The following MNAT1 variants were observed in gnomAD, a reference collection of about 807,000 sequenced individuals.
MNAT1 encodes the protein CDK-activating kinase assembly factor MAT1.
MNAT1 carries 43 observed loss-of-function variants against 42.0 expected under a neutral mutation model. That is an observed-to-expected ratio of 1.02 (90% CI 0.80 to 1.32). The LOEUF (loss-of-function observed/expected upper bound fraction) is 1.32, where lower values mean the gene tolerates loss of function less well. Among genes scored for constraint, MNAT1 ranks in the 40% most tolerant of loss-of-function variants. The probability of loss-of-function intolerance (pLI) is 0.00; values close to 1 mark genes in which losing one functional copy is unlikely to be tolerated. For missense variants in MNAT1, 306 were observed against 350.4 expected (o/e 0.87, Z 1.01); for synonymous variants, 118 against 120.0 (o/e 0.98, Z 0.11).
chr14:60,903,865 GTTTTTTTTTT>G (rs35825181), intron 7 of MNAT1, among the ~76,000 whole-genome samples: 4 of 115,742 alleles, frequency 3.5e-5, no homozygotes, highest in East Asian at 2.6e-4. Context: ...ACCCATGTAA[GTTTTTTTTTT>G]TTTTTTTTTT....
At chr14:60,890,387 G>A (rs1031381119) in intron 7 of MNAT1, among the ~76,000 whole-genome samples, 1 of 152,106 alleles carries the variant, frequency 6.6e-6, no homozygotes, top group Non-Finnish European at 1.5e-5. Context: ...TGTAGTCTCT[G>A]TCTGGCTTTT....
At chr14:60,961,314 A>G (rs1015211588) in intron 7 of MNAT1, among the ~76,000 whole-genome samples, 1 of 152,184 alleles carries the variant, frequency 6.6e-6, no homozygotes, top group African/African-American at 2.4e-5. Context: ...CTTGAATAAA[A>G]TCCACAGTTT....
chr14:60,875,114 T>C (rs192140062), intron 6 of MNAT1, among the ~76,000 whole-genome samples: 2 of 152,270 alleles, frequency 1.3e-5, no homozygotes, highest in Non-Finnish European at 2.9e-5. Context: ...TCTCTCTAAA[T>C]GTTATAGTTT....
chr14:60,915,999 A>G (rs955552224), intron 7 of MNAT1, among the ~76,000 whole-genome samples: 4 of 152,202 alleles, frequency 2.6e-5, no homozygotes, highest in African/African-American at 9.6e-5. Context: ...CCTACAACTG[A>G]GTCAACAGCA....
At chr14:60,791,918 A>C (rs1295081429) in intron 1 of MNAT1, among the ~76,000 whole-genome samples, 1 of 152,146 alleles carries the variant, frequency 6.6e-6, no homozygotes, top group Admixed American at 6.5e-5. Context: ...GATATCATCA[A>C]CTCATGGTGA....
intron 1 of MNAT1, among the ~76,000 whole-genome samples, chr14:60,755,060 C>T (rs115351710): frequency 1.9e-3 from 288 of 152,130 alleles, no homozygotes; most frequent in African/African-American, 6.7e-3. Context: ...AGTGCAGTGG[C>T]ATGATCACGG....
At chr14:60,785,075 A>G (rs1286845761) in intron 1 of MNAT1, among the ~76,000 whole-genome samples, 1 of 150,590 alleles carries the variant, frequency 6.6e-6, no homozygotes, top group African/African-American at 2.4e-5. Flanking sequence ...CTGGTCTCAA[A>G]CCCCTGACCT....
At chr14:60,873,148 A>AT in intron 6 of MNAT1, among the ~76,000 whole-genome samples, 1 of 152,172 alleles carries the variant, frequency 6.6e-6, no homozygotes, top group Non-Finnish European at 1.5e-5. Flanking sequence ...AGTGACTCTC[A>AT]CTATGTTTAT....
intron 5 of MNAT1, 98 bp from the exon 6 acceptor site, chr14:60,818,624 T>A: frequency 2.8e-6 from 3 of 1,077,090 alleles, no homozygotes; most frequent in Non-Finnish European, 3.8e-6. Flanking sequence ...TAGTTTGACA[T>A]GAAATGCTTA....
intron 7 of MNAT1, among the ~76,000 whole-genome samples, chr14:60,924,589 C>G (rs1473668859): frequency 1.3e-5 from 2 of 151,510 alleles, no homozygotes; most frequent in African/African-American, 4.8e-5. Flanking sequence ...TATGTGAAAT[C>G]TTTCTTCTGT....
chr14:60,910,568 C>T (rs533710274), intron 7 of MNAT1, among the ~76,000 whole-genome samples: 138 of 152,284 alleles, frequency 9.1e-4, no homozygotes, highest in Non-Finnish European at 1.5e-3. Flanking sequence ...GCCTTTTCTG[C>T]ATCTATTGAG....
intron 6 of MNAT1, among the ~76,000 whole-genome samples, chr14:60,829,134 A>G (rs1382135626): frequency 2.6e-5 from 4 of 152,168 alleles, no homozygotes; most frequent in Admixed American, 2.0e-4. Flanking sequence ...AAAGTTCCCA[A>G]CACACTAATT....
chr14:60,864,044 TA>T (rs937762519), intron 6 of MNAT1, among the ~76,000 whole-genome samples: 13 of 152,112 alleles, frequency 8.5e-5, no homozygotes, highest in Non-Finnish European at 8.8e-5. Flanking sequence ...TTGCTTGTTA[TA>T]AAAACAAGAC....
At chr14:60,872,717 C>T (rs2034352907) in intron 6 of MNAT1, among the ~76,000 whole-genome samples, 1 of 151,198 alleles carries the variant, frequency 6.6e-6, no homozygotes, top group Non-Finnish European at 1.5e-5. Context: ...CTATTTTAAA[C>T]ATTTTATAAT....
intron 1 of MNAT1, among the ~76,000 whole-genome samples, chr14:60,767,952 G>C (rs181542824): frequency 1.3e-5 from 2 of 152,244 alleles, no homozygotes; most frequent in African/African-American, 4.8e-5. Flanking sequence ...TTTTAGTAGA[G>C]ACGGGGTTTC....
intron 7 of MNAT1, among the ~76,000 whole-genome samples, chr14:60,924,711 G>A (rs2139559001): frequency 6.6e-6 from 1 of 152,278 alleles, no homozygotes; most frequent in East Asian, 1.9e-4. Context: ...TGAGGTCACT[G>A]AAAGGTGTCC....
chr14:60,912,065 C>G (rs1330820132), intron 7 of MNAT1, among the ~76,000 whole-genome samples: 1 of 151,550 alleles, frequency 6.6e-6, no homozygotes, highest in Non-Finnish European at 1.5e-5. Context: ...GATCCCTTTA[C>G]CATTATGTAA....
At chr14:60,801,763 A>G (rs537989011) in intron 3 of MNAT1, among the ~76,000 whole-genome samples, 5 of 152,190 alleles carry the variant, frequency 3.3e-5, no homozygotes, top group Non-Finnish European at 7.4e-5. Context: ...GGAGAACAGT[A>G]TGGAAGTTCC....
chr14:60,928,773 G>T (rs2035818153), intron 7 of MNAT1, among the ~76,000 whole-genome samples: 1 of 151,812 alleles, frequency 6.6e-6, no homozygotes, highest in South Asian at 2.1e-4. Context: ...AAAAAAGAAT[G>T]TCATTTTACA....
Sources: allele counts gnomAD v4.1 joint callset (sites outside exome capture counted in the v4.1 genomes callset), GRCh38; gene constraint gnomAD v4.1.1; transcripts MANE v1.5; gene names NCBI Gene and HGNC (gene_info 2026-07-23, HGNC 2026-07-21).